Variants in IL1RAPL1 observed in about 807,000 individuals in gnomAD.
IL1RAPL1 encodes interleukin 1 receptor accessory protein like 1, also known as interleukin-1 receptor accessory protein-like 1.
A neutral mutation model predicts 48.4 loss-of-function variants in IL1RAPL1; 3 were observed. The ratio of observed to expected loss-of-function variants is 0.06; its 90% CI spans 0.03 to 0.16. IL1RAPL1 has a LOEUF of 0.16. Among genes scored for constraint, IL1RAPL1 ranks in the 10% least tolerant of loss-of-function variants. The pLI is 1.00. For missense variants in IL1RAPL1, 349 were observed against 530.6 expected, an observed-to-expected ratio of 0.66 and a Z score of 3.36; for synonymous variants, 185 against 187.7, an observed-to-expected ratio of 0.99 and a Z score of 0.12.
At chrX:29,489,978 T>G (rs1935138028) in intron 5 of IL1RAPL1, among the ~76,000 whole-genome samples, 1 of 111,405 alleles carries the variant, frequency 9.0e-6, no homozygotes, top group Non-Finnish European at 1.9e-5. Context: ...AGTTCAAAGA[T>G]CACCTTATTT....
intron 2 of IL1RAPL1, among the ~76,000 whole-genome samples, chrX:28,912,493 G>GA (rs1014783215): frequency 2.2e-4 from 24 of 110,439 alleles, no homozygotes; most frequent in African/African-American, 7.2e-4. Context: ...AGAAATGATA[G>GA]AAAAAATATG....
intron 6 of IL1RAPL1, among the ~76,000 whole-genome samples, chrX:29,709,846 C>T (rs866450748): frequency 9.0e-6 from 1 of 111,666 alleles, no homozygotes; most frequent in African/African-American, 3.2e-5. Flanking sequence ...TTCTTTCATT[C>T]ATGTTTTACA....
At chrX:28,739,069 A>T (rs370488058) in intron 1 of IL1RAPL1, among the ~76,000 whole-genome samples, 68 of 111,129 alleles carry the variant, frequency 6.1e-4, no homozygotes, top group Middle Eastern at 9.2e-3. Flanking sequence ...TCATAATTTG[A>T]TGTCTCCAAG....
At chrX:29,607,193 G>A (rs1216840710) in intron 5 of IL1RAPL1, among the ~76,000 whole-genome samples, 1 of 111,285 alleles carries the variant, frequency 9.0e-6, no homozygotes, top group Non-Finnish European at 1.9e-5. Context: ...CATGCACACT[G>A]TTAAGGCATG....
chrX:29,804,834 C>T (rs887432303), intron 6 of IL1RAPL1, among the ~76,000 whole-genome samples: 2 of 111,977 alleles, frequency 1.8e-5, no homozygotes, highest in African/African-American at 6.5e-5. Flanking sequence ...GAAGCTCAAG[C>T]TCAACATGAA....
At chrX:29,635,156 A>G (rs1490335418) in intron 5 of IL1RAPL1, among the ~76,000 whole-genome samples, 2 of 111,422 alleles carry the variant, frequency 1.8e-5, no homozygotes, top group Non-Finnish European at 3.8e-5. Flanking sequence ...GAAGGGGGAA[A>G]TTATCAAATA....
At chrX:29,228,417 C>T (rs1045681898) in intron 2 of IL1RAPL1, among the ~76,000 whole-genome samples, 3 of 100,516 alleles carry the variant, frequency 3.0e-5, no homozygotes, top group East Asian at 3.3e-4. Context: ...TGCAGTGATG[C>T]GATCTCTGCT....
At chrX:29,121,631 C>T (rs753725247) in intron 2 of IL1RAPL1, among the ~76,000 whole-genome samples, 3 of 112,046 alleles carry the variant, frequency 2.7e-5, no homozygotes, top group Non-Finnish European at 3.8e-5. Context: ...TGGAACATTT[C>T]CCTCTGATCC....
At chrX:28,882,138 AT>A (rs1165722394) in intron 2 of IL1RAPL1, among the ~76,000 whole-genome samples, 2 of 109,783 alleles carry the variant, frequency 1.8e-5, no homozygotes, top group Non-Finnish European at 3.8e-5. Context: ...AATTAAAAAA[AT>A]ATATATATAT....
At chrX:28,687,739 A>G (rs1316410730) in intron 1 of IL1RAPL1, among the ~76,000 whole-genome samples, 6 of 108,066 alleles carry the variant, frequency 5.6e-5, no homozygotes, top group Admixed American at 4.0e-4. Context: ...CGGAGATTGC[A>G]CCACTGCACT....
At chrX:29,915,014 G>A (rs998616785) in intron 6 of IL1RAPL1, among the ~76,000 whole-genome samples, 4 of 107,758 alleles carry the variant, frequency 3.7e-5, no homozygotes, top group South Asian at 3.7e-4. Context: ...TAAAAAATCC[G>A]GCTGGACGTG....
chrX:29,507,313 CCT>C (rs1455084567), intron 5 of IL1RAPL1, among the ~76,000 whole-genome samples: 3 of 75,718 alleles, frequency 4.0e-5, no homozygotes, highest in Admixed American at 1.5e-4. Context: ...TTCCTTCCTT[CCT>C]CTCTCTCTCT....
chrX:29,597,149 A>ATTTTTTTTTTTTTTTTTTTTTT (rs35180262), intron 5 of IL1RAPL1, among the ~76,000 whole-genome samples: 4 of 55,969 alleles, frequency 7.1e-5, no homozygotes, highest in African/African-American at 2.7e-4. Context: ...TTTGTTGAGG[A>ATTTTTTTTTTTTTTTTTTTTTT]TTTTTTTTTT....
chrX:28,643,824 G>C (rs948954295), intron 1 of IL1RAPL1, among the ~76,000 whole-genome samples: 2 of 111,507 alleles, frequency 1.8e-5, no homozygotes, highest in African/African-American at 3.3e-5. Flanking sequence ...CCTCTCTTCA[G>C]CTGCCAGCTG....
chrX:29,016,146 C>T (rs977520126), intron 2 of IL1RAPL1, among the ~76,000 whole-genome samples: 3 of 111,728 alleles, frequency 2.7e-5, no homozygotes, highest in African/African-American at 9.7e-5. Flanking sequence ...TGGTCTCAAA[C>T]TCACAGAGTA....
intron 1 of IL1RAPL1, among the ~76,000 whole-genome samples, chrX:28,645,624 A>G (rs1341123758): frequency 9.0e-6 from 1 of 111,215 alleles, no homozygotes; most frequent in Non-Finnish European, 1.9e-5. Context: ...CCGGGTCACC[A>G]TGTATATGAA....
chrX:29,256,079 G>T (rs376336194), intron 2 of IL1RAPL1, among the ~76,000 whole-genome samples: 1 of 111,260 alleles, frequency 9.0e-6, no homozygotes, highest in Non-Finnish European at 1.9e-5. Flanking sequence ...CACCAACAGC[G>T]TATAAGCATT....
chrX:29,471,171 G>C (rs1934916664), intron 5 of IL1RAPL1, among the ~76,000 whole-genome samples: 1 of 110,788 alleles, frequency 9.0e-6, no homozygotes, highest in South Asian at 3.9e-4. Context: ...TCCAAAGGAG[G>C]GGGTGGGGGA....
intron 5 of IL1RAPL1, among the ~76,000 whole-genome samples, chrX:29,557,434 G>A (rs747429016): frequency 9.0e-6 from 1 of 111,629 alleles, no homozygotes; most frequent in Non-Finnish European, 1.9e-5. Context: ...ACGATGTTTC[G>A]ATGTAAGCAT....
Sources: gnomAD v4.1 joint callset for allele counts (sites outside exome capture counted in the v4.1 genomes callset) on GRCh38, gnomAD v4.1.1 for gene constraint, MANE v1.5 for transcripts, NCBI Gene and HGNC (gene_info 2026-07-23, HGNC 2026-07-21) for gene names.